The following SGPL1 variants were observed in gnomAD, a reference collection of about 807,000 sequenced individuals.
SGPL1 encodes the protein sphingosine-1-phosphate lyase 1, also known as SP-lyase 1.
In SGPL1, 37 loss-of-function variants were observed where a neutral mutation model predicts 68.9. The ratio of observed to expected loss-of-function variants is 0.54; its 90% CI spans 0.41 to 0.71. The LOEUF is 0.71. Among genes scored for constraint, SGPL1 ranks in the 30% least tolerant of loss-of-function variants. The pLI, the probability that SGPL1 is intolerant of heterozygous loss-of-function variation, is 0.00. For synonymous variants in SGPL1, 236 were observed against 248.5 expected (o/e 0.95, Z 0.47); for missense variants, 551 against 704.6 (o/e 0.78, Z 2.47).
chr10:70,864,018 CTTTG>C (rs1159572496), intron 7 of SGPL1, among the ~76,000 whole-genome samples: 1 of 151,834 alleles, frequency 6.6e-6, no homozygotes, highest in Non-Finnish European at 1.5e-5. Flanking sequence ...CTTGATTTTG[CTTTG>C]TTTGGGGGTT....
chr10:70,848,981 C>G (rs1845835132), intron 3 of SGPL1, among the ~76,000 whole-genome samples: 1 of 152,192 alleles, frequency 6.6e-6, no homozygotes. Context: ...TCTGTACCTT[C>G]TGGGGACTTT....
chr10:70,846,884 A>T (rs796640738), intron 3 of SGPL1, among the ~76,000 whole-genome samples: 107 of 149,554 alleles, frequency 7.2e-4, no homozygotes, highest in African/African-American at 2.4e-3. Context: ...ATTACCTCCC[A>T]TATTTTTCTT....
chr10:70,850,498 A>G lies in SGPL1; in HGVS notation c.194-645A>G, dbSNP rs559421324. Among the ~76,000 whole-genome samples, 5 of 152,340 alleles carry G rather than the reference A, an allele frequency of 3.3e-5. No individual in the cohort carries two copies. The East Asian group carries it at 7.7e-4, about 24-fold the overall frequency. On this transcript the variant is annotated intron_variant, in intron 3 of 14. Transcript: ENST00000373202. ...GAAGGTCAAGAATTCTGGAACACGT[A>G]TATCATTTGACCTAGTAGTTCTGCT... is the stretch of plus-strand genomic sequence containing the variant.
intron 7 of SGPL1, among the ~76,000 whole-genome samples, chr10:70,861,685 G>A (rs769822976): frequency 3.9e-4 from 60 of 152,316 alleles, no homozygotes; most frequent in Non-Finnish European, 6.8e-4. Flanking sequence ...CAGCGCTTGC[G>A]GGCCAGCTAG....
chr10:70,873,685 C>CATAG, intron 12 of SGPL1, 96 bp downstream of exon 12: 1 of 888,702 alleles, frequency 1.1e-6, no homozygotes, highest in South Asian at 1.4e-5. Flanking sequence ...AGCCCTAGCC[C>CATAG]ACCTGTTGTC....
At chr10:70,817,702 A>G (rs1037497993) in intron 2 of SGPL1, among the ~76,000 whole-genome samples, 4 of 152,206 alleles carry the variant, frequency 2.6e-5, no homozygotes, top group African/African-American at 9.7e-5. Flanking sequence ...TCTGCCATAT[A>G]CTAGTTTATC....
intron 8 of SGPL1, 129 bp from the exon 9 acceptor site, chr10:70,869,663 T>G: frequency 1.4e-6 from 1 of 712,830 alleles, no homozygotes; most frequent in Non-Finnish European, 2.3e-6. Flanking sequence ...TAGAGCAGTC[T>G]AAACACTTAA....
chr10:70,828,273 G>A (rs1173602621), intron 2 of SGPL1, among the ~76,000 whole-genome samples: 2 of 152,204 alleles, frequency 1.3e-5, no homozygotes, highest in Non-Finnish European at 2.9e-5. Context: ...ATGGAGAAGA[G>A]CACTGAGAAC....
chr10:70,861,499 G>A (rs539454825), intron 7 of SGPL1, among the ~76,000 whole-genome samples: 5 of 152,198 alleles, frequency 3.3e-5, no homozygotes, highest in African/African-American at 1.2e-4. Flanking sequence ...CACAGCCCTC[G>A]CTCGCTCTCG....
intron 3 of SGPL1, among the ~76,000 whole-genome samples, chr10:70,850,026 C>T (rs927104861): frequency 9.9e-5 from 15 of 152,168 alleles, no homozygotes; most frequent in South Asian, 2.1e-4. Context: ...TTGTCAGAGT[C>T]AGTCGAGATA....
intron 2 of SGPL1, among the ~76,000 whole-genome samples, chr10:70,830,569 TCTCTTGTTCTCACCTA>T (rs1236623634): frequency 6.6e-6 from 1 of 152,218 alleles, no homozygotes; most frequent in Admixed American, 6.5e-5. Flanking sequence ...TCTAACAATG[TCTCTTGTTCTCACCTA>T]CAGGAGACAC....
At position 70,879,326 on chromosome 10, in the gene SGPL1, G is replaced by A. The variant is rs1312297677; in HGVS notation, c.*1991G>A. The A allele has an allele frequency of 6.6e-6, 1 of 152,614 alleles. No homozygotes were observed. Among genetic ancestry groups the A allele is most frequent in the African/African-American group, 2.4e-5 (1 of 41,392 alleles). The allele number at this position is 152,614 out of a possible 1,614,324, so 9.5% of individuals were successfully genotyped here. On this transcript the variant is annotated 3_prime_UTR_variant, in exon 15 of 15. Coordinates refer to ENST00000373202, the MANE Select transcript of SGPL1 (RefSeq NM_003901.4). The stretch of plus-strand genomic sequence containing the variant: ...AATTGTTCTTGAGCACTGTACTACT[G>A]ACCCAACAACTGTGACTAGCTGGCC...
chr10:70,851,584 T>C (rs1484399225), intron 4 of SGPL1, among the ~76,000 whole-genome samples: 1 of 152,028 alleles, frequency 6.6e-6, no homozygotes, highest in Non-Finnish European at 1.5e-5. Context: ...GTTAAGGAAG[T>C]AAGAATTTGA....
chr10:70,866,445 G>A, intron 7 of SGPL1: 1 of 152,112 alleles, frequency 6.6e-6, no homozygotes, highest in East Asian at 1.9e-4. Flanking sequence ...ACAGTCAAAA[G>A]TCCACTGGTG....
chr10:70,843,257 C>CTGTG (rs56785272), intron 2 of SGPL1, among the ~76,000 whole-genome samples: 258 of 150,110 alleles, frequency 1.7e-3, no homozygotes, highest in African/African-American at 4.9e-3. Flanking sequence ...ATGTATGTGC[C>CTGTG]TGTGTGTGTG....
intron 11 of SGPL1, among the ~76,000 whole-genome samples, chr10:70,872,585 C>T (rs969659988): frequency 1.2e-4 from 19 of 152,190 alleles, no homozygotes; most frequent in Admixed American, 8.5e-4. Context: ...TATTAGCAGC[C>T]TCAGGAATGT....
chr10:70,820,926 A>G lies in SGPL1; in HGVS notation c.27+4046A>G, dbSNP rs778959854. The stretch of plus-strand genomic sequence containing the variant: ...ATTACAGAATATTTGTTATAAAAAG[A>G]GGGCATTGGGTCATAGAGTTGAAGA... On this transcript the variant is annotated intron_variant, in intron 2 of 14. Transcript: ENST00000373202. Among the ~76,000 whole-genome samples, 64 of 152,334 alleles carry G rather than the reference A, an allele frequency of 4.2e-4. 1 individual carries two copies. In the Middle Eastern group the frequency reaches 0.01, roughly 24 times the overall value.
intron 5 of SGPL1, among the ~76,000 whole-genome samples, chr10:70,856,861 G>T (rs1845972844): frequency 6.6e-6 from 1 of 152,082 alleles, no homozygotes; most frequent in African/African-American, 2.4e-5. Flanking sequence ...CAAATTTGTG[G>T]GTAAAATGAA....
chr10:70,876,414 T>C, intron 13 of SGPL1, 127 bp from the exon 14 acceptor site: 2 of 829,614 alleles, frequency 2.4e-6, no homozygotes, highest in Non-Finnish European at 3.7e-6. Flanking sequence ...AGGAACAACT[T>C]GGATGACTAC....
Sources: allele counts gnomAD v4.1 joint callset (sites outside exome capture counted in the v4.1 genomes callset), GRCh38; gene constraint gnomAD v4.1.1; transcripts MANE v1.5; gene names NCBI Gene and HGNC (gene_info 2026-07-23, HGNC 2026-07-21).